The following PACRG variants were observed in gnomAD, a reference collection of about 807,000 sequenced individuals.
PACRG encodes parkin coregulated.
Under a neutral mutation model 29.7 loss-of-function variants are expected in PACRG, and 29 were observed. The ratio of observed to expected loss-of-function variants is 0.98; its 90% CI spans 0.73 to 1.33. PACRG has a LOEUF of 1.33. Among genes scored for constraint, PACRG ranks in the 40% most tolerant of loss-of-function variants. PACRG has a pLI of 0.00. For missense variants in PACRG, 279 were observed against 316.2 expected (o/e 0.88, Z 0.89); for synonymous variants, 116 against 118.7 (o/e 0.98, Z 0.15).
intron 3 of PACRG, among the ~76,000 whole-genome samples, chr6:163,067,922 T>G (rs991346806): frequency 6.6e-5 from 10 of 152,358 alleles, no homozygotes; most frequent in Admixed American, 6.5e-4. Context: ...TTTTATATAC[T>G]TCCTAATTTT....
At chr6:163,063,757 C>T (rs138329246) in intron 3 of PACRG, among the ~76,000 whole-genome samples, 2 of 152,116 alleles carry the variant, frequency 1.3e-5, no homozygotes, top group East Asian at 1.9e-4. Flanking sequence ...ACCTGATGTG[C>T]GAGTAACACA....
chr6:162,744,201 A>T (rs1014760283), intron 1 of PACRG, among the ~76,000 whole-genome samples: 11 of 152,188 alleles, frequency 7.2e-5, no homozygotes, highest in African/African-American at 2.4e-4. Flanking sequence ...AAATGTTCCT[A>T]TGAAAACTTG....
chr6:162,801,741 A>G (rs1403951888), intron 1 of PACRG, among the ~76,000 whole-genome samples: 6 of 152,164 alleles, frequency 3.9e-5, no homozygotes, highest in African/African-American at 1.4e-4. Context: ...TTTCACCTAG[A>G]AAGTGTATTG....
At chr6:162,818,961 A>G (rs1787595667) in intron 2 of PACRG, among the ~76,000 whole-genome samples, 2 of 152,184 alleles carry the variant, frequency 1.3e-5, no homozygotes, top group Non-Finnish European at 2.9e-5. Context: ...GGAGAAACTC[A>G]AAATGGACTT....
chr6:163,009,332 T>C (rs1805408133), intron 2 of PACRG, among the ~76,000 whole-genome samples: 1 of 152,194 alleles, frequency 6.6e-6, no homozygotes, highest in Admixed American at 6.5e-5. Context: ...TGTGCAAAGC[T>C]TTCACTCTAT....
At chr6:162,760,267 A>C (rs1420894600) in intron 1 of PACRG, among the ~76,000 whole-genome samples, 1 of 152,214 alleles carries the variant, frequency 6.6e-6, no homozygotes, top group Non-Finnish European at 1.5e-5. Flanking sequence ...CCTGGGATCT[A>C]CATGGGACAT....
At chr6:163,010,940 T>C (rs530232069) in intron 2 of PACRG, among the ~76,000 whole-genome samples, 2 of 152,264 alleles carry the variant, frequency 1.3e-5, no homozygotes, top group East Asian at 1.9e-4. Context: ...GGGTCCGGGC[T>C]CCCTTAGGAG....
chr6:162,784,072 A>G (rs748811859), intron 1 of PACRG, among the ~76,000 whole-genome samples: 2 of 152,186 alleles, frequency 1.3e-5, no homozygotes, highest in East Asian at 1.9e-4. Flanking sequence ...TTAGGAGAAA[A>G]TTACAAATTT....
intron 4 of PACRG, among the ~76,000 whole-genome samples, chr6:163,309,606 T>A (rs996565558): frequency 1.3e-5 from 2 of 152,356 alleles, no homozygotes; most frequent in African/African-American, 4.8e-5. Flanking sequence ...ATCATCTCAG[T>A]CACCTCTTAA....
chr6:163,057,389 T>C (rs1488233707), intron 2 of PACRG, among the ~76,000 whole-genome samples: 1 of 152,200 alleles, frequency 6.6e-6, no homozygotes, highest in Non-Finnish European at 1.5e-5. Context: ...GCATAAAATA[T>C]GGCAAGAATA....
intron 1 of PACRG, among the ~76,000 whole-genome samples, chr6:162,791,871 G>A (rs1034647426): frequency 3.9e-5 from 6 of 152,154 alleles, no homozygotes; most frequent in Admixed American, 6.5e-5. Context: ...GGACACAGAA[G>A]CAAGCGTACA....
At chr6:162,967,051 A>G (rs1288962570) in intron 2 of PACRG, among the ~76,000 whole-genome samples, 1 of 152,154 alleles carries the variant, frequency 6.6e-6, no homozygotes, top group Non-Finnish European at 1.5e-5. Context: ...GACATTATTT[A>G]TGGTTTCCTT....
chr6:163,231,349 A>G (rs1469324291), intron 4 of PACRG, among the ~76,000 whole-genome samples: 1 of 152,216 alleles, frequency 6.6e-6, no homozygotes, highest in Admixed American at 6.5e-5. Context: ...TGTCATGTTA[A>G]TCACATCCTG....
intron 4 of PACRG, among the ~76,000 whole-genome samples, chr6:163,251,951 C>A (rs1283416368): frequency 1.3e-5 from 2 of 152,306 alleles, no homozygotes; most frequent in Admixed American, 1.3e-4. Context: ...CTGACTGTTA[C>A]ATGGTTCGAT....
At chr6:162,766,097 G>C (rs1044856214) in intron 1 of PACRG, among the ~76,000 whole-genome samples, 2 of 152,008 alleles carry the variant, frequency 1.3e-5, no homozygotes, top group African/African-American at 4.8e-5. Context: ...TCTCTCTTTA[G>C]CTATTTAAAA....
intron 3 of PACRG, among the ~76,000 whole-genome samples, chr6:163,079,905 T>C (rs992774582): frequency 3.5e-5 from 5 of 140,896 alleles, no homozygotes; most frequent in Non-Finnish European, 7.7e-5. Flanking sequence ...TTTTTTTTTT[T>C]TTTTTTTTTT....
chr6:162,858,977 C>T (rs75987461), intron 2 of PACRG, among the ~76,000 whole-genome samples: 1 of 152,256 alleles, frequency 6.6e-6, no homozygotes, highest in South Asian at 2.1e-4. Flanking sequence ...GCTTCTGCGG[C>T]GTTTTCCATT....
At chr6:162,800,421 A>G (rs1481792692) in intron 1 of PACRG, among the ~76,000 whole-genome samples, 1 of 152,168 alleles carries the variant, frequency 6.6e-6, no homozygotes, top group East Asian at 1.9e-4. Context: ...GACTATAGAG[A>G]CATTTTTGAA....
rs868050894 is a variant in PACRG at position 163,045,988 on chromosome 6, T to C, written c.292-16162T>C. 2.0e-5 allele frequency among the ~76,000 whole-genome samples: 3 copies of C among 152,112 alleles called. No homozygotes were observed. The South Asian group carries it at 6.2e-4, about 32-fold the overall frequency. Reference sequence around the variant, plus strand: ...CCAGGTCAGCCTGCACTTCAGACTATACTTACCAAATTGTTATTCAATCAT... The same window carrying C: ...CCAGGTCAGCCTGCACTTCAGACTACACTTACCAAATTGTTATTCAATCAT... On this transcript the variant is annotated intron_variant, in intron 2 of 4. Coordinates refer to ENST00000366888, the MANE Select transcript of PACRG (RefSeq NM_001080379.2).
Sources: gnomAD v4.1 joint callset for allele counts (sites outside exome capture counted in the v4.1 genomes callset) on GRCh38, gnomAD v4.1.1 for gene constraint, MANE v1.5 for transcripts, NCBI Gene and HGNC (gene_info 2026-07-23, HGNC 2026-07-21) for gene names.